Variants in PDE6C observed in about 807,000 individuals in gnomAD.
PDE6C encodes phosphodiesterase 6C, also known as cone cGMP-specific 3',5'-cyclic phosphodiesterase subunit alpha'.
Under a neutral mutation model 113.1 loss-of-function variants are expected in PDE6C, and 75 were observed. The ratio of observed to expected loss-of-function variants is 0.66; its 90% CI spans 0.55 to 0.80. PDE6C has a LOEUF of 0.80. Ranked by LOEUF, PDE6C falls within the 30% of genes least tolerant of loss-of-function variation. PDE6C has a pLI of 0.00. For synonymous variants in PDE6C, 375 were observed against 363.7 expected (o/e 1.03, Z -0.35); for missense variants, 912 against 1,038.6 (o/e 0.88, Z 1.67).
In PDE6C at chr10:93,658,226, GAAAA is replaced by G. The variant is rs1235067314; in HGVS notation, c.2037-673_2037-670del. On this transcript the variant is annotated intron_variant, in intron 16 of 21. Transcript: ENST00000371447. ...AAAAGAAAAGAAAGAAAGAAAGAAAGAAAAAGAAAAATACCACATCTGAAGTACT... is the reference window on the plus strand; with the variant it reads ...AAAAGAAAAGAAAGAAAGAAAGAAAGAGAAAAATACCACATCTGAAGTACT... 2.8e-5 allele frequency among the ~76,000 whole-genome samples: 3 copies of G among 106,676 alleles called. No homozygotes were observed. The East Asian group carries it at 7.5e-4, about 27-fold the overall frequency. 70.0% of individuals were successfully genotyped at this position (106,676 alleles called of 152,430 possible). A position where few individuals can be genotyped will look rare whatever the true frequency, so the allele number is the denominator to read the frequency against.
At chr10:93,621,766 G>A (rs1327934542) in intron 3 of PDE6C, among the ~76,000 whole-genome samples, 166 bp from the exon 4 acceptor site, 1 of 152,212 alleles carries the variant, frequency 6.6e-6, no homozygotes, top group Non-Finnish European at 1.5e-5. Context: ...TCACCTAGAG[G>A]ATCTGAGTAG....
chr10:93,622,642 T>C (rs2058452818), intron 4 of PDE6C, among the ~76,000 whole-genome samples: 1 of 15,296 alleles, frequency 6.5e-5, no homozygotes, highest in Non-Finnish European at 9.0e-4. Flanking sequence ...GCCACAGGTT[T>C]TTTTTTTGTT....
chr10:93,652,927 A>T (rs559583094), intron 15 of PDE6C, among the ~76,000 whole-genome samples: 16 of 152,254 alleles, frequency 1.1e-4, no homozygotes, highest in Admixed American at 2.6e-4. Flanking sequence ...TCTTTAAATG[A>T]CTTAATGTGC....
At chr10:93,625,885 C>T (rs2058471121) in intron 5 of PDE6C, among the ~76,000 whole-genome samples, 1 of 152,184 alleles carries the variant, frequency 6.6e-6, no homozygotes, top group South Asian at 2.1e-4. Context: ...GCTTGGTAGA[C>T]CAGTGGTTCT....
At chr10:93,662,940 A>G in intron 20 of PDE6C, 88 bp from the exon 21 acceptor site, 1 of 1,185,006 alleles carries the variant, frequency 8.4e-7, no homozygotes, top group African/African-American at 1.5e-5. Context: ...GTGCTGTAAC[A>G]ATTCCTTACA....
intron 4 of PDE6C, among the ~76,000 whole-genome samples, chr10:93,622,662 G>GTTTTTTTTTTTT (rs2058453827): frequency 2.0e-5 from 1 of 49,748 alleles, no homozygotes; most frequent in African/African-American, 9.6e-5. Context: ...TTTTTTTTTT[G>GTTTTTTTTTTTT]TTGTTTTTTT....
At chr10:93,660,469 G>A (rs746757171) in intron 18 of PDE6C, among the ~76,000 whole-genome samples, 9 of 152,104 alleles carry the variant, frequency 5.9e-5, no homozygotes, top group Non-Finnish European at 8.8e-5. Flanking sequence ...GGAATAGGGA[G>A]GGCACCTCTT....
chr10:93,635,802 T>G (rs878861507), intron 10 of PDE6C, among the ~76,000 whole-genome samples, 162 bp downstream of exon 10: 1 of 152,256 alleles, frequency 6.6e-6, no homozygotes, highest in Admixed American at 6.5e-5. Flanking sequence ...GATGGCCCAG[T>G]GTACAGAGAC....
At chr10:93,644,410 A>T (rs1355998703) in intron 14 of PDE6C, among the ~76,000 whole-genome samples, 1 of 152,168 alleles carries the variant, frequency 6.6e-6, no homozygotes, top group Non-Finnish European at 1.5e-5. Context: ...CATTTTTAAA[A>T]ATATACATTT....
chr10:93,641,105 C>G, intron 14 of PDE6C, 76 bp downstream of exon 14: 1 of 887,460 alleles, frequency 1.1e-6, no homozygotes, highest in Non-Finnish European at 1.9e-6. Context: ...AAACGCTTCT[C>G]CCTATTCCTT....
intron 11 of PDE6C, among the ~76,000 whole-genome samples, chr10:93,637,365 G>A (rs560405634): frequency 7.6e-4 from 116 of 152,206 alleles, no homozygotes; most frequent in Non-Finnish European, 1.2e-3. Context: ...TATTTTAATA[G>A]CTTTGGATGA....
At chr10:93,646,551 T>C (rs1202682530) in intron 15 of PDE6C, among the ~76,000 whole-genome samples, 1 of 152,114 alleles carries the variant, frequency 6.6e-6, no homozygotes, top group Non-Finnish European at 1.5e-5. Flanking sequence ...CTGCAGGCTG[T>C]ACAGGAAGCA....
At chr10:93,636,948 ATCT>A in intron 10 of PDE6C, 44 bp from the exon 11 acceptor site, 1 of 988,648 alleles carries the variant, frequency 1.0e-6, no homozygotes, top group Non-Finnish European at 1.6e-6. Context: ...TCAGATGGAA[ATCT>A]TCTCCTTTAG....
intron 11 of PDE6C, among the ~76,000 whole-genome samples, chr10:93,638,500 T>C (rs948580045): frequency 2.0e-5 from 3 of 152,160 alleles, no homozygotes; most frequent in Non-Finnish European, 4.4e-5. Flanking sequence ...AAAACTTTTA[T>C]TGACATCCGT....
intron 1 of PDE6C, among the ~76,000 whole-genome samples, chr10:93,617,291 C>G (rs758653346): frequency 2.6e-5 from 4 of 152,200 alleles, no homozygotes; most frequent in Non-Finnish European, 5.9e-5. Context: ...ACCCCTCCCC[C>G]ATCCCCATCC....
intron 1 of PDE6C, among the ~76,000 whole-genome samples, chr10:93,620,096 A>G (rs548991167): frequency 6.6e-6 from 1 of 152,296 alleles, no homozygotes; most frequent in African/African-American, 2.4e-5. Flanking sequence ...AGAAAGGCAT[A>G]GGAGACACAC....
chr10:93,655,897 C>A (rs1219766459), intron 16 of PDE6C, 37 bp downstream of exon 16: 2 of 1,041,416 alleles, frequency 1.9e-6, no homozygotes, highest in Non-Finnish European at 3.0e-6. Context: ...ATGCCCTATA[C>A]TCTGTGTGGT....
chr10:93,658,872 A>G, intron 16 of PDE6C, 29 bp from the exon 17 acceptor site: 2 of 1,290,500 alleles, frequency 1.5e-6, no homozygotes, highest in Non-Finnish European at 2.3e-6. Flanking sequence ...ATAAGCTAAA[A>G]TTGTTGCTCA....
At chr10:93,624,392 C>G (rs968103643) in intron 4 of PDE6C, among the ~76,000 whole-genome samples, 6 of 152,066 alleles carry the variant, frequency 3.9e-5, no homozygotes, top group African/African-American at 1.4e-4. Flanking sequence ...GCCTGTACCA[C>G]CACGTCCACT....
Sources: allele counts gnomAD v4.1 joint callset (sites outside exome capture counted in the v4.1 genomes callset), GRCh38; gene constraint gnomAD v4.1.1; transcripts MANE v1.5; gene names NCBI Gene and HGNC (gene_info 2026-07-23, HGNC 2026-07-21).